POC5: variants seen among roughly 807,000 people sequenced by gnomAD.
POC5 encodes the protein POC5 centriolar protein.
Under a neutral mutation model 62.9 loss-of-function variants are expected in POC5, and 48 were observed. The observed-to-expected ratio is 0.76, with a 90% CI of 0.61 to 0.97. The LOEUF (loss-of-function observed/expected upper bound fraction) is 0.97, where lower values mean the gene tolerates loss of function less well. Ranked by LOEUF, POC5 falls within the 50% of genes least tolerant of loss-of-function variation. The probability of loss-of-function intolerance (pLI) is 0.00; values close to 1 mark genes in which losing one functional copy is unlikely to be tolerated. For missense variants in POC5, 696 were observed against 679.5 expected (o/e 1.02, Z -0.27); for synonymous variants, 236 against 228.2 (o/e 1.03, Z -0.31).
At chr5:75,694,606 G>T in intron 6 of POC5, 49 bp downstream of exon 6, 1 of 1,309,916 alleles carries the variant, frequency 7.6e-7, no homozygotes, top group African/African-American at 1.5e-5. Context: ...TTATTATCTA[G>T]CAAGACATTT....
intron 10 of POC5, among the ~76,000 whole-genome samples, chr5:75,681,796 C>T (rs1295007018): frequency 6.6e-6 from 1 of 151,974 alleles, no homozygotes; most frequent in Non-Finnish European, 1.5e-5. Context: ...CATAGGAAGC[C>T]TCTGTGATTA....
chr5:75,705,884 T>C, intron 3 of POC5, 97 bp from the exon 4 acceptor site: 1 of 692,934 alleles, frequency 1.4e-6, no homozygotes, highest in Middle Eastern at 2.6e-4. Context: ...CATAATATTT[T>C]AGAACAAACA....
chr5:75,693,121 A>G (rs1776413349), intron 6 of POC5, among the ~76,000 whole-genome samples: 1 of 148,122 alleles, frequency 6.8e-6, no homozygotes, highest in African/African-American at 2.5e-5. Flanking sequence ...AAAATGTTAT[A>G]TATATAAGTA....
At position 75,700,752 on chromosome 5, in the gene POC5, C is replaced by T. The variant is rs1234545221; in HGVS notation, c.513+1853G>A. On this transcript the variant is annotated intron_variant, in intron 5 of 11. Transcript: ENST00000428202. The stretch of plus-strand genomic sequence containing the variant: ...ATTAAACTAAAGAGCTTCTGCACAG[C>T]AAAACAAACTACCATCAGAGTGAAC... Among the ~76,000 whole-genome samples the T allele has an allele frequency of 2.1e-5, 3 of 139,590 alleles. 1 individual carries two copies. Among genetic ancestry groups the T allele is most frequent in the Non-Finnish European group, 1.6e-5 (1 of 61,968 alleles). The allele number at this position is 139,590 out of a possible 152,430, so 91.6% of individuals were successfully genotyped here. A position where few individuals can be genotyped will look rare whatever the true frequency, so the allele number is the denominator to read the frequency against.
intron 4 of POC5, chr5:75,705,488 A>G (rs1391114183): frequency 2.8e-6 from 1 of 351,808 alleles, no homozygotes; most frequent in Non-Finnish European, 5.0e-6. Context: ...TTAAGAAAGG[A>G]TACTACACAC....
At chr5:75,713,926 A>C (rs1777447672) in intron 1 of POC5, among the ~76,000 whole-genome samples, 1 of 152,250 alleles carries the variant, frequency 6.6e-6, no homozygotes, top group Non-Finnish European at 1.5e-5. Flanking sequence ...AGGATTGGCT[A>C]AGGATGAAAC....
At chr5:75,686,968 T>C (rs1195061751) in intron 9 of POC5, among the ~76,000 whole-genome samples, 1 of 152,156 alleles carries the variant, frequency 6.6e-6, no homozygotes, top group Admixed American at 6.5e-5. Flanking sequence ...AAACCAAATA[T>C]TTATTTTGCT....
At chr5:75,689,610 AC>A in intron 8 of POC5, 1 of 985,164 alleles carries the variant, frequency 1.0e-6, no homozygotes, top group African/African-American at 1.7e-5. Context: ...GTGCAGAGTG[AC>A]CCTAGGTACA....
chr5:75,698,585 T>G (rs562755592), intron 5 of POC5, among the ~76,000 whole-genome samples: 8 of 151,764 alleles, frequency 5.3e-5, no homozygotes, highest in African/African-American at 1.9e-4. Flanking sequence ...GAGGGAAATT[T>G]ATAGCACTAA....
intron 10 of POC5, among the ~76,000 whole-genome samples, chr5:75,678,332 ATG>A (rs1775752465): frequency 6.6e-6 from 1 of 152,144 alleles, no homozygotes; most frequent in African/African-American, 2.4e-5. Context: ...GAAGCTCACC[ATG>A]AGATAATGCC....
intron 9 of POC5, among the ~76,000 whole-genome samples, chr5:75,688,358 G>A (rs1031190799): frequency 6.6e-6 from 1 of 152,098 alleles, no homozygotes; most frequent in African/African-American, 2.4e-5. Context: ...TATCTCCTTC[G>A]CTCAGAGAAG....
At chr5:75,693,223 T>C (rs1776419523) in intron 6 of POC5, among the ~76,000 whole-genome samples, 1 of 150,772 alleles carries the variant, frequency 6.6e-6, no homozygotes, top group Non-Finnish European at 1.5e-5. Context: ...ACTTCTTCAG[T>C]GATATTATTA....
intron 6 of POC5, among the ~76,000 whole-genome samples, chr5:75,693,028 ATATAT>A (rs1229867734): frequency 8.8e-5 from 13 of 147,222 alleles, no homozygotes; most frequent in Non-Finnish European, 1.3e-4. Context: ...ATATATAACT[ATATAT>A]TATATATGTT....
chr5:75,714,050 G>C (rs1366811534), intron 1 of POC5, among the ~76,000 whole-genome samples: 1 of 152,214 alleles, frequency 6.6e-6, no homozygotes, highest in African/African-American at 2.4e-5. Context: ...TGATCAGAAA[G>C]ATCATTCCAG....
At chr5:75,685,836 CT>C (rs1226139027) in intron 9 of POC5, among the ~76,000 whole-genome samples, 1 of 152,134 alleles carries the variant, frequency 6.6e-6, no homozygotes, top group Admixed American at 6.5e-5. Flanking sequence ...GCCTGGAGAT[CT>C]AGGTTCCTTT....
At chr5:75,701,248 C>T (rs1187922974) in intron 5 of POC5, among the ~76,000 whole-genome samples, 11 of 141,382 alleles carry the variant, frequency 7.8e-5, no homozygotes, top group South Asian at 2.4e-4. Flanking sequence ...ATAAATCATG[C>T]GGCTATAAAG....
intron 6 of POC5, among the ~76,000 whole-genome samples, chr5:75,694,271 G>A (rs541893433): frequency 6.6e-6 from 1 of 152,158 alleles, no homozygotes; most frequent in South Asian, 2.1e-4. Context: ...GTTCCTTCAC[G>A]TTCGCTTAAG....
At chr5:75,696,240 A>G (rs1382560465) in intron 5 of POC5, 1 of 153,026 alleles carries the variant, frequency 6.5e-6, no homozygotes, top group Non-Finnish European at 1.5e-5. Flanking sequence ...CTGCCTCTGT[A>G]GGCTCCACCT....
chr5:75,710,328 T>G (rs926162431), intron 2 of POC5, among the ~76,000 whole-genome samples: 1 of 152,236 alleles, frequency 6.6e-6, no homozygotes, highest in African/African-American at 2.4e-5. Flanking sequence ...AGTGTGGCTG[T>G]TATGGAGTTA....
Sources: gnomAD v4.1 joint callset for allele counts (sites outside exome capture counted in the v4.1 genomes callset) on GRCh38, gnomAD v4.1.1 for gene constraint, MANE v1.5 for transcripts, NCBI Gene and HGNC (gene_info 2026-07-23, HGNC 2026-07-21) for gene names.